Variants in MMD2 observed in about 807,000 individuals in gnomAD.
MMD2 encodes monocyte to macrophage differentiation associated 2.
MMD2 carries 30 observed loss-of-function variants against 33.5 expected under a neutral mutation model. That is an observed-to-expected ratio of 0.90 (90% CI 0.67 to 1.22). MMD2 has a LOEUF of 1.22. Ranked by LOEUF, MMD2 falls within the 50% of genes most tolerant of loss-of-function variation. The pLI, the probability that MMD2 is intolerant of heterozygous loss-of-function variation, is 0.00. For missense variants in MMD2, 364 were observed against 325.4 expected, an observed-to-expected ratio of 1.12 and a Z score of -0.91; for synonymous variants, 129 against 123.0, an observed-to-expected ratio of 1.05 and a Z score of -0.32.
At chr7:4,922,557 T>G (rs1278951766) in intron 2 of MMD2, among the ~76,000 whole-genome samples, 1 of 152,172 alleles carries the variant, frequency 6.6e-6, no homozygotes, top group Admixed American at 6.6e-5. Context: ...CAATTATGTT[T>G]TGTGCTATTT....
At chr7:4,904,434 G>C (rs959076023), downstream of MMD2, among the ~76,000 whole-genome samples, 9 of 152,166 alleles carry the variant, frequency 5.9e-5, no homozygotes, top group East Asian at 1.9e-4. Context: ...GAAGAGAAAG[G>C]GTTTATGGGA....
the MMD2 span, among the ~76,000 whole-genome samples, chr7:4,900,459 G>A: frequency 6.6e-6 from 1 of 152,032 alleles, no homozygotes; most frequent in African/African-American, 2.4e-5. Flanking sequence ...CCAAAAACAG[G>A]AAGCTCTGAT....
chr7:4,940,022 G>C lies in MMD2; in HGVS notation c.48-14490C>G, dbSNP rs1785860712. ...CTCCCAAAGCGCTGGCATTACAGGCGTGAGCCACCGCACCTGGCCCAATCT... is the reference window on the plus strand; with the variant it reads ...CTCCCAAAGCGCTGGCATTACAGGCCTGAGCCACCGCACCTGGCCCAATCT... On this transcript the variant is annotated intron_variant, in intron 1 of 6. Transcript: ENST00000401401. This position sits in a 1 kb window ranked among gnomAD's most constrained non-coding sequence, Gnocchi z 5.0. Among the ~76,000 whole-genome samples the C allele has an allele frequency of 6.6e-6, 1 of 152,178 alleles. No homozygotes were observed. Among genetic ancestry groups the C allele is most frequent in the South Asian group, 2.1e-4 (1 of 4,830 alleles).
At chr7:4,904,972 C>T (rs138789028), downstream of MMD2, among the ~76,000 whole-genome samples, 17 of 152,296 alleles carry the variant, frequency 1.1e-4, no homozygotes, top group African/African-American at 4.1e-4. Flanking sequence ...GTGCTGATGC[C>T]TGAACTGGAC....
At chr7:4,952,583 G>A (rs909865438) in intron 1 of MMD2, among the ~76,000 whole-genome samples, 2 of 151,908 alleles carry the variant, frequency 1.3e-5, no homozygotes, top group Non-Finnish European at 2.9e-5. Flanking sequence ...CTCACAGTTA[G>A]TCCTACCAAG....
At chr7:4,910,996 G>A (rs1267935309) in intron 5 of MMD2, 149 bp downstream of exon 5, 9 of 641,244 alleles carry the variant, frequency 1.4e-5, no homozygotes, top group Non-Finnish European at 2.4e-5. Context: ...AAGACCTGGT[G>A]GCCACCCATG....
chr7:4,945,203 C>CTTCTTCTTCTTCTTCTTCTTCTTCTT (rs1554273359), intron 1 of MMD2, among the ~76,000 whole-genome samples: 21 of 138,454 alleles, frequency 1.5e-4, no homozygotes, highest in African/African-American at 5.2e-4. Flanking sequence ...TCTTCTTCTT[C>CTTCTTCTTCTTCTTCTTCTTCTTCTT]TTCTTCTTCT....
rs1027327852 is a variant in MMD2, at chr7:4,946,213, A to T, written c.47+12758T>A. Among the ~76,000 whole-genome samples, 2 of 151,760 alleles carry T rather than the reference A, an allele frequency of 1.3e-5. No individual in the cohort carries two copies. Among genetic ancestry groups the T allele is most frequent in the Non-Finnish European group, 2.9e-5 (2 of 67,934 alleles). On this transcript the variant is annotated intron_variant, in intron 1 of 6. Coordinates refer to ENST00000401401, the MANE Select transcript of MMD2 (RefSeq NM_198403.4). The surrounding 1 kb of genome is among the most constrained non-coding windows in gnomAD (Gnocchi z 5.0). Reference sequence around the variant, plus strand: ...CGCACACCCACACACACGCATGCACACACATGCACACATACACGCACACAC... The same window carrying T: ...CGCACACCCACACACACGCATGCACTCACATGCACACATACACGCACACAC...
Position 4,959,091 on chromosome 7 carries a change from C to A in MMD2, c.-74G>T. 8.3e-7 allele frequency: 1 copy of A among 1,199,880 alleles called. No individual in the cohort carries two copies. The highest frequency in any genetic ancestry group is 1.1e-6 in the Non-Finnish European group (1 of 949,324). The allele number at this position is 1,199,880 out of a possible 1,614,324, so 74.3% of individuals were successfully genotyped here. On this transcript the variant is annotated 5_prime_UTR_variant, in exon 1 of 7. Coordinates refer to ENST00000401401, the MANE Select transcript of MMD2 (RefSeq NM_198403.4). ...TGGCAGAGCCTGGGGGGCGCGGCGG[C>A]GGCAGCAGCAGGTTGGAGGGCGCGC...
At chr7:4,930,516 C>T (rs10237895) in intron 1 of MMD2, among the ~76,000 whole-genome samples, 24,926 of 151,240 alleles carry the variant, frequency 0.16, 2,181 homozygotes, top group East Asian at 0.29. Context: ...TAGTGGTGGG[C>T]GACTGTAATC....
At chr7:4,900,618 C>T in the MMD2 span, among the ~76,000 whole-genome samples, 1 of 152,066 alleles carries the variant, frequency 6.6e-6, no homozygotes, top group Non-Finnish European at 1.5e-5. Context: ...CCTTCCATGA[C>T]TCCTCACCTC....
At chr7:4,917,159 C>T (rs180825436) in intron 3 of MMD2, among the ~76,000 whole-genome samples, 3 of 152,244 alleles carry the variant, frequency 2.0e-5, no homozygotes, top group Non-Finnish European at 2.9e-5. Context: ...CTTAGTGGTT[C>T]GGATCCAAGC....
At chr7:4,920,128 C>T (rs1438152346) in intron 3 of MMD2, 43 bp downstream of exon 3, 6 of 1,543,346 alleles carry the variant, frequency 3.9e-6, no homozygotes, top group African/African-American at 2.7e-5. Context: ...TCCCCCTGCC[C>T]CGACCCCCTA....
At chr7:4,944,554 G>A (rs1785998456) in intron 1 of MMD2, among the ~76,000 whole-genome samples, 1 of 152,122 alleles carries the variant, frequency 6.6e-6, no homozygotes, top group Non-Finnish European at 1.5e-5. Flanking sequence ...ACTGGTGGAA[G>A]ATCGAGGAGG....
chr7:4,937,188 G>T (rs533580443), intron 1 of MMD2, among the ~76,000 whole-genome samples: 1 of 151,560 alleles, frequency 6.6e-6, no homozygotes, highest in Admixed American at 6.6e-5. Flanking sequence ...CCTGAGGTCA[G>T]GGGTTCGAGA....
chr7:4,932,889 C>A (rs1015636407), intron 1 of MMD2, among the ~76,000 whole-genome samples: 3 of 151,880 alleles, frequency 2.0e-5, no homozygotes, highest in African/African-American at 7.3e-5. Flanking sequence ...CCTCCCAAAG[C>A]ACTGGGATTA....
At chr7:4,927,905 C>T (rs1785474345) in intron 1 of MMD2, among the ~76,000 whole-genome samples, 1 of 152,114 alleles carries the variant, frequency 6.6e-6, no homozygotes, top group African/African-American at 2.4e-5. Flanking sequence ...GGGACTCAAC[C>T]CAGCCCTGGT....
Position 4,907,151 on chromosome 7 carries a change from G to C in MMD2, c.*245C>G. Reference sequence around the variant, plus strand: ...GAAGATGTTAATGTTGCTTGTATTAGGAAACACTCATCTAAAATAGAAACA... The same window carrying C: ...GAAGATGTTAATGTTGCTTGTATTACGAAACACTCATCTAAAATAGAAACA... On this transcript the variant is annotated 3_prime_UTR_variant, in exon 7 of 7. Coordinates refer to ENST00000401401, the MANE Select transcript of MMD2 (RefSeq NM_198403.4). 1 of 507,504 alleles carries C rather than the reference G, an allele frequency of 2.0e-6. No homozygotes were observed. The highest frequency in any genetic ancestry group is 3.6e-6 in the Non-Finnish European group (1 of 280,354). The allele number at this position is 507,504 out of a possible 1,614,324, so 31.4% of individuals were successfully genotyped here. A position where few individuals can be genotyped will look rare whatever the true frequency, so the allele number is the denominator to read the frequency against.
intron 3 of MMD2, 126 bp from the exon 4 acceptor site, chr7:4,916,205 G>T: frequency 1.3e-6 from 1 of 774,210 alleles, no homozygotes; most frequent in South Asian, 1.7e-5. Context: ...CCTCTGTCCA[G>T]CCAAGACCCC....
Sources: gnomAD v4.1 joint callset for allele counts (sites outside exome capture counted in the v4.1 genomes callset) on GRCh38, gnomAD v4.1.1 for gene constraint, Gnocchi (gnomAD v3.1) non-coding constraint, MANE v1.5 for transcripts, NCBI Gene and HGNC (gene_info 2026-07-23, HGNC 2026-07-21) for gene names.